Variants in ANGPTL2 observed in about 807,000 individuals in gnomAD.
The protein encoded by ANGPTL2 is angiopoietin-related protein 2.
In ANGPTL2, 25 loss-of-function variants were observed where a neutral mutation model predicts 52.8. The observed-to-expected ratio is 0.47, with a 90% confidence interval of 0.35 to 0.66. The LOEUF is 0.66. Ranked by LOEUF, ANGPTL2 falls within the 30% of genes least tolerant of loss-of-function variation. The probability of loss-of-function intolerance (pLI) is 0.01; values close to 1 mark genes in which losing one functional copy is unlikely to be tolerated. For missense variants in ANGPTL2, 546 were observed against 656.9 expected, an observed-to-expected ratio of 0.83 and a Z score of 1.84; for synonymous variants, 276 against 277.4, an observed-to-expected ratio of 1.00 and a Z score of 0.05.
At chr9:127,118,494 A>G (rs1195113433) in intron 1 of ANGPTL2, among the ~76,000 whole-genome samples, 3 of 152,236 alleles carry the variant, frequency 2.0e-5, no homozygotes, top group Admixed American at 6.5e-5. Flanking sequence ...GTTGTCCAGG[A>G]TGGCAGCAGG....
rs1444657310 is a variant in ANGPTL2, at chr9:127,122,097, T to TG, written c.-50+217dup. ...AGGCTTACTCATGAAGTCCTCGAGA[T>TG]GCCAGCCCATGATCATGTGCCCCCA... On this transcript the variant is annotated intron_variant, in intron 1 of 4. Coordinates refer to ENST00000373425, the MANE Select transcript of ANGPTL2 (RefSeq NM_012098.3). The surrounding 1 kb of genome is among the most constrained non-coding windows in gnomAD (Gnocchi z 6.4). Among the ~76,000 whole-genome samples the TG allele has an allele frequency of 2.0e-5, 3 of 152,208 alleles. No homozygotes were observed. Among genetic ancestry groups the TG allele is most frequent in the Non-Finnish European group, 4.4e-5 (3 of 68,022 alleles).
intron 1 of ANGPTL2, among the ~76,000 whole-genome samples, chr9:127,119,820 A>G (rs1269366369): frequency 6.6e-6 from 1 of 151,994 alleles, no homozygotes; most frequent in Non-Finnish European, 1.5e-5. Flanking sequence ...TTTTTTTGCC[A>G]AGCTCATGAA....
At chr9:127,102,578 C>T (rs1208372656) in intron 2 of ANGPTL2, among the ~76,000 whole-genome samples, 1 of 152,134 alleles carries the variant, frequency 6.6e-6, no homozygotes, top group Non-Finnish European at 1.5e-5. Flanking sequence ...ACTGTAAATA[C>T]CCTGAGCATT....
intron 2 of ANGPTL2, among the ~76,000 whole-genome samples, chr9:127,104,386 T>C (rs1023978938): frequency 1.2e-4 from 19 of 152,244 alleles, no homozygotes; most frequent in Non-Finnish European, 2.6e-4. Flanking sequence ...CCCAGGTGCC[T>C]GCTCTATCCT....
At chr9:127,107,113 C>G (rs1185196817) in intron 2 of ANGPTL2, 1 of 152,200 alleles carries the variant, frequency 6.6e-6, no homozygotes, top group African/African-American at 2.4e-5. Context: ...AGTCCTAGAG[C>G]ATAGAGAAGT....
chr9:127,114,271 G>A (rs2055170022), intron 1 of ANGPTL2, among the ~76,000 whole-genome samples: 1 of 152,140 alleles, frequency 6.6e-6, no homozygotes, highest in Non-Finnish European at 1.5e-5. Context: ...ATACTTTTAA[G>A]GCTAACAGCA....
intron 1 of ANGPTL2, among the ~76,000 whole-genome samples, chr9:127,117,839 T>C (rs1326235199): frequency 6.6e-6 from 1 of 152,202 alleles, no homozygotes; most frequent in Non-Finnish European, 1.5e-5. Context: ...ACTTTAAGGA[T>C]TCTTGGAGCT....
chr9:127,115,607 G>A (rs1371928506), intron 1 of ANGPTL2, among the ~76,000 whole-genome samples: 1 of 152,222 alleles, frequency 6.6e-6, no homozygotes, highest in Non-Finnish European at 1.5e-5. Context: ...TCAACTGCTA[G>A]GTCCAAACCC....
At chr9:127,106,616 G>A (rs1174999412) in intron 2 of ANGPTL2, among the ~76,000 whole-genome samples, 1 of 152,192 alleles carries the variant, frequency 6.6e-6, no homozygotes, top group East Asian at 1.9e-4. Context: ...TTAAATCCAA[G>A]CCAGCCTACT....
At chr9:127,116,292 T>C (rs552033259) in intron 1 of ANGPTL2, among the ~76,000 whole-genome samples, 2 of 151,472 alleles carry the variant, frequency 1.3e-5, no homozygotes, top group Non-Finnish European at 2.9e-5. Flanking sequence ...AGGAGGCGGG[T>C]TGTGGTCACA....
chr9:127,107,593 G>A (rs895527164), intron 2 of ANGPTL2, among the ~76,000 whole-genome samples: 2 of 152,216 alleles, frequency 1.3e-5, no homozygotes, highest in African/African-American at 4.8e-5. Context: ...TCTTCTATCT[G>A]CCAACACACG....
At position 127,107,976 on chromosome 9, in the gene ANGPTL2, T is replaced by A. The variant is rs2054387250; in HGVS notation, c.756A>T (p.Pro252=). ...GAGTGGGCATAGTGGGCAGAGGGGG[T>A]GGCAGCACCTTCAGGTTCTGGTCAC... ...IQSDQNLKVL[P]PPLPTMPTLT... is the part of the protein sequence containing the mutation. The change falls in exon 2 of 5, where the codon CCA becomes CCT. Residue 252 remains proline, a synonymous_variant. Coordinates refer to ENST00000373425, the MANE Select transcript of ANGPTL2 (RefSeq NM_012098.3). 3.8e-6 allele frequency: 6 copies of A among 1,571,688 alleles called. No individual in the cohort carries two copies. In the South Asian group the frequency reaches 7.1e-5, roughly 19 times the overall value.
chr9:127,109,091 A>G (rs1319911915), intron 1 of ANGPTL2, among the ~76,000 whole-genome samples: 1 of 152,162 alleles, frequency 6.6e-6, no homozygotes, highest in Non-Finnish European at 1.5e-5. Flanking sequence ...CCTGGCCTAG[A>G]GCCTGAGAAT....
At chr9:127,121,405 G>A (rs1051465048) in intron 1 of ANGPTL2, among the ~76,000 whole-genome samples, 4 of 152,206 alleles carry the variant, frequency 2.6e-5, no homozygotes, top group South Asian at 2.1e-4. Context: ...GCATTTGGCC[G>A]GCTTTGGAAG....
At chr9:127,117,852 G>A (rs562280237) in intron 1 of ANGPTL2, among the ~76,000 whole-genome samples, 1 of 152,346 alleles carries the variant, frequency 6.6e-6, no homozygotes, top group Admixed American at 6.5e-5. Context: ...TTGGAGCTGG[G>A]CAGGTCCTCA....
chr9:127,105,078 G>T (rs1014820167), intron 2 of ANGPTL2, among the ~76,000 whole-genome samples: 3 of 152,096 alleles, frequency 2.0e-5, no homozygotes, highest in African/African-American at 4.8e-5. Context: ...CTCTTCCTGG[G>T]CTCTGTCTAC....
intron 2 of ANGPTL2, among the ~76,000 whole-genome samples, chr9:127,106,191 G>A (rs2054198751): frequency 6.6e-6 from 1 of 152,172 alleles, no homozygotes; most frequent in East Asian, 1.9e-4. Context: ...AGTAACCATT[G>A]AGTCCAGCCT....
chr9:127,100,492 G>T (rs531274565), intron 2 of ANGPTL2, among the ~76,000 whole-genome samples: 2 of 152,334 alleles, frequency 1.3e-5, no homozygotes, highest in African/African-American at 4.8e-5. Context: ...GGGCTTTAAA[G>T]ACATTTTAAA....
intron 2 of ANGPTL2, among the ~76,000 whole-genome samples, chr9:127,099,906 G>C (rs1297669137): frequency 6.6e-6 from 1 of 152,224 alleles, no homozygotes; most frequent in Non-Finnish European, 1.5e-5. Flanking sequence ...CATGGTGCCT[G>C]GGGCCAATGA....
Sources: allele counts gnomAD v4.1 joint callset (sites outside exome capture counted in the v4.1 genomes callset), GRCh38; gene constraint gnomAD v4.1.1; non-coding constraint Gnocchi (gnomAD v3.1); transcripts MANE v1.5; gene names NCBI Gene and HGNC (gene_info 2026-07-23, HGNC 2026-07-21).